Variants in CFAP97 observed in about 807,000 individuals in gnomAD.
CFAP97 encodes the protein cilia- and flagella-associated protein 97.
Under a neutral mutation model 43.1 loss-of-function variants are expected in CFAP97, and 36 were observed. That is an observed-to-expected ratio of 0.84 (90% CI 0.64 to 1.10). The LOEUF (loss-of-function observed/expected upper bound fraction) is 1.10, where lower values mean the gene tolerates loss of function less well. Ranked by LOEUF, CFAP97 falls within the 50% of genes least tolerant of loss-of-function variation. The pLI is 0.00. For synonymous variants in CFAP97, 228 were observed against 225.7 expected (o/e 1.01, Z -0.09); for missense variants, 657 against 620.3 (o/e 1.06, Z -0.63).
chr4:185,170,350 TA>T (rs1735248238), intron 3 of CFAP97: 1 of 542,960 alleles, frequency 1.8e-6, no homozygotes, highest in Non-Finnish European at 3.3e-6. Flanking sequence ...TCTAAATAAA[TA>T]AATAAAATAA....
chr4:185,195,544 A>G (rs973340224), intron 1 of CFAP97, among the ~76,000 whole-genome samples: 13 of 152,166 alleles, frequency 8.5e-5, no homozygotes, highest in Non-Finnish European at 1.8e-4. Flanking sequence ...ACATATACAA[A>G]ACAATGCTAT....
upstream of CFAP97, chr4:185,210,117 C>T: frequency 2.0e-6 from 2 of 984,194 alleles, no homozygotes; most frequent in Non-Finnish European, 2.4e-6. This position sits in a 1 kb window ranked among gnomAD's most constrained non-coding sequence, Gnocchi z 4.4. Flanking sequence ...TCAGCCTGTA[C>T]CTGAGCTGCG....
chr4:185,170,436 T>A (rs1735253285), intron 3 of CFAP97: 1 of 398,888 alleles, frequency 2.5e-6, no homozygotes, highest in Non-Finnish European at 4.4e-6. Context: ...TGAGACGGAG[T>A]TTTGCTCTTG....
chr4:185,183,768 C>A (rs1735897513), intron 2 of CFAP97, among the ~76,000 whole-genome samples: 1 of 152,218 alleles, frequency 6.6e-6, no homozygotes, highest in Non-Finnish European at 1.5e-5. Context: ...GATGTACCAA[C>A]TGGCAAAATG....
chr4:185,162,725 C>A lies in CFAP97; in HGVS notation c.*73G>T. 1 of 1,481,346 alleles carries A rather than the reference C, an allele frequency of 6.8e-7. No homozygotes were observed. Among genetic ancestry groups the A allele is most frequent in the African/African-American group, 1.4e-5 (1 of 72,114 alleles). The allele number at this position is 1,481,346 out of a possible 1,614,324, so 91.8% of individuals were successfully genotyped here. ...TAAAACGGTATTCTAGATGTTTACA[C>A]AGAGAATTATAGGAATATGCACGAG... On this transcript the variant is annotated 3_prime_UTR_variant, in exon 5 of 5. Transcript: ENST00000458385.
intron 3 of CFAP97, chr4:185,170,142 G>A (rs1735237054): frequency 1.3e-6 from 1 of 796,486 alleles, no homozygotes; most frequent in Non-Finnish European, 1.7e-6. Context: ...GAGGTCAGGA[G>A]TTTGAGACCA....
chr4:185,174,213 A>C (rs1735426410), intron 3 of CFAP97, among the ~76,000 whole-genome samples: 1 of 151,220 alleles, frequency 6.6e-6, no homozygotes, highest in Non-Finnish European at 1.5e-5. Flanking sequence ...GCCCAGAGCC[A>C]GGTGTGAGAG....
chr4:185,194,523 T>C lies in CFAP97; in HGVS notation c.-16-3311A>G, dbSNP rs1013175406. On this transcript the variant is annotated intron_variant, in intron 1 of 4. Transcript: ENST00000458385. Reference sequence around the variant, plus strand: ...GAAAAGTTTGTAGATCCTTGGTTGATAGATTTATTTAAATTTTTTAAAGAA... The same window carrying C: ...GAAAAGTTTGTAGATCCTTGGTTGACAGATTTATTTAAATTTTTTAAAGAA... Among the ~76,000 whole-genome samples the C allele has an allele frequency of 2.6e-5, 4 of 152,210 alleles. No individual in the cohort carries two copies. The East Asian group carries it at 5.8e-4, about 22-fold the overall frequency.
In CFAP97 at chr4:185,164,042, T is replaced by C. The variant is rs1300289565; in HGVS notation, c.1458A>G (p.Gln486=). Residue 486 remains glutamine, a synonymous_variant, in exon 4 of 5, where the codon CAA becomes CAG. Transcript: ENST00000458385. The stretch of plus-strand genomic sequence containing the variant: ...CAAAATGCTTACTTAATGGGCTATA[T>C]TGGCCAAGAGTGGATCTGGCCCGTC... The part of the protein sequence containing the change: ...LSRRARSTLG[Q]YSPLRASRTS... 5 of 1,613,444 alleles carry C rather than the reference T, an allele frequency of 3.1e-6. No individual in the cohort carries two copies. The East Asian group carries it at 1.1e-4, about 36-fold the overall frequency.
chr4:185,197,765 C>T (rs1260701544), intron 1 of CFAP97, among the ~76,000 whole-genome samples: 1 of 152,144 alleles, frequency 6.6e-6, no homozygotes, highest in Admixed American at 6.6e-5. Flanking sequence ...ATTATTCCAA[C>T]TCCCATCCCT....
chr4:185,192,733 C>CTTCTTTTTTTTTTTTTTTTTTTTTTTTT (rs1736327256), intron 1 of CFAP97, among the ~76,000 whole-genome samples: 2 of 81,414 alleles, frequency 2.5e-5, no homozygotes, highest in African/African-American at 1.1e-4. Context: ...AATTGACCTT[C>CTTCTTTTTTTTTTTTTTTTTTTTTTTTT]TTTTTTTTTT....
Position 185,191,160 on chromosome 4 carries a change from C to CCGCCCCGTCTCCCTCTCCCGTCTCCCTCT in CFAP97, c.36_37insAGAGGGAGACGGGAGAGGGAGACGGGGCG (p.Asp13ArgfsTer42), listed in dbSNP as rs775904676. On this transcript the variant is annotated frameshift_variant, in exon 2 of 5. Transcript: ENST00000458385. LOFTEE classifies it high-confidence loss of function. Reference sequence around the variant, plus strand: ...AAGTCACTGTCAAAGAAAGAATGGTCCACTTCACCTTCTAATATATCTCCA... The same window carrying CCGCCCCGTCTCCCTCTCCCGTCTCCCTCT: ...AAGTCACTGTCAAAGAAAGAATGGTCCGCCCCGTCTCCCTCTCCCGTCTCCCTCTCACTTCACCTTCTAATATATCTCCA... 1 of 1,596,606 alleles carries CCGCCCCGTCTCCCTCTCCCGTCTCCCTCT rather than the reference C, an allele frequency of 6.3e-7. No homozygotes were observed. Among genetic ancestry groups the CCGCCCCGTCTCCCTCTCCCGTCTCCCTCT allele is most frequent in the Non-Finnish European group, 8.5e-7 (1 of 1,173,796 alleles).
At chr4:185,176,819 G>C (rs1171018773) in intron 2 of CFAP97, among the ~76,000 whole-genome samples, 1 of 152,142 alleles carries the variant, frequency 6.6e-6, no homozygotes, top group African/African-American at 2.4e-5. Context: ...ATGGCAAAAA[G>C]TAACTCCGAA....
At chr4:185,169,724 G>A (rs1735219103) in intron 3 of CFAP97, 1 of 985,280 alleles carries the variant, frequency 1.0e-6, no homozygotes, top group African/African-American at 1.7e-5. Context: ...TGTTTCTAGA[G>A]CGATGAAGCA....
intron 3 of CFAP97, among the ~76,000 whole-genome samples, chr4:185,165,674 T>C (rs1288689843): frequency 1.3e-5 from 2 of 152,246 alleles, no homozygotes; most frequent in Admixed American, 6.5e-5. Flanking sequence ...GTTTTCTCTG[T>C]ACAATCTTTT....
chr4:185,161,906 T>C lies in CFAP97; in HGVS notation c.*892A>G, dbSNP rs1236264859. 1.3e-5 allele frequency: 2 copies of C among 152,354 alleles called. No homozygotes were observed. The highest frequency in any genetic ancestry group is 2.4e-5 in the African/African-American group (1 of 41,586). The allele number at this position is 152,354 out of a possible 1,614,324, so 9.4% of individuals were successfully genotyped here. ...TCTTCTCTAATAACATAATAAATACTGAATTACCTAAAACACTGTCCGACA... is the reference window on the plus strand; with the variant it reads ...TCTTCTCTAATAACATAATAAATACCGAATTACCTAAAACACTGTCCGACA... On this transcript the variant is annotated 3_prime_UTR_variant, in exon 5 of 5. Transcript: ENST00000458385.
At chr4:185,183,252 C>T (rs933429720) in intron 2 of CFAP97, among the ~76,000 whole-genome samples, 8 of 152,048 alleles carry the variant, frequency 5.3e-5, no homozygotes, top group African/African-American at 1.7e-4. Context: ...ACTGGTTTAC[C>T]GAACCTCTGT....
intron 3 of CFAP97, among the ~76,000 whole-genome samples, chr4:185,174,428 A>G (rs1206105426): frequency 9.9e-5 from 15 of 152,114 alleles, no homozygotes; most frequent in Non-Finnish European, 5.9e-5. Context: ...CAAGACTACT[A>G]TTTTTTATAA....
intron 3 of CFAP97, chr4:185,169,720 T>C (rs1735218834): frequency 3.0e-6 from 3 of 985,348 alleles, no homozygotes; most frequent in South Asian, 4.7e-5. Flanking sequence ...TTAGTGTTTC[T>C]AGAGCGATGA....
Sources: allele counts gnomAD v4.1 joint callset (sites outside exome capture counted in the v4.1 genomes callset), GRCh38; gene constraint gnomAD v4.1.1; non-coding constraint Gnocchi (gnomAD v3.1); transcripts MANE v1.5; gene names NCBI Gene and HGNC (gene_info 2026-07-23, HGNC 2026-07-21).